PRKG1: variants seen among roughly 807,000 people sequenced by gnomAD.
PRKG1 encodes the protein cGMP-dependent protein kinase 1.
Under a neutral mutation model 88.1 loss-of-function variants are expected in PRKG1, and 35 were observed. The ratio of observed to expected loss-of-function variants is 0.40; its 90% CI spans 0.30 to 0.53. The LOEUF is 0.53. Among genes scored for constraint, PRKG1 ranks in the 20% least tolerant of loss-of-function variants. The probability of loss-of-function intolerance (pLI) is 0.59; values close to 1 mark genes in which losing one functional copy is unlikely to be tolerated. For synonymous variants in PRKG1, 303 were observed against 292.5 expected, an observed-to-expected ratio of 1.04 and a Z score of -0.37; for missense variants, 540 against 839.8, an observed-to-expected ratio of 0.64 and a Z score of 4.41.
intron 3 of PRKG1, among the ~76,000 whole-genome samples, chr10:51,723,885 C>T (rs1018962460): frequency 6.6e-6 from 1 of 152,074 alleles, no homozygotes; most frequent in Non-Finnish European, 1.5e-5. Flanking sequence ...TTGTTATTGT[C>T]TTTATTTGGA....
chr10:51,084,768 G>A (rs1190107631), intron 1 of PRKG1, among the ~76,000 whole-genome samples: 1 of 152,012 alleles, frequency 6.6e-6, no homozygotes, highest in East Asian at 1.9e-4. Flanking sequence ...GTACTTCTTT[G>A]AACATGAGGT....
intron 3 of PRKG1, among the ~76,000 whole-genome samples, chr10:51,742,074 C>CT (rs975442080): frequency 1.3e-5 from 2 of 152,148 alleles, no homozygotes; most frequent in African/African-American, 4.8e-5. Context: ...TTATTGTGAT[C>CT]TTGTGAGATA....
At chr10:51,752,521 GA>G (rs1837752807) in intron 3 of PRKG1, among the ~76,000 whole-genome samples, 1 of 152,192 alleles carries the variant, frequency 6.6e-6, no homozygotes, top group Non-Finnish European at 1.5e-5. Context: ...TTAATGACAA[GA>G]AATGTATAAG....
At chr10:51,972,925 G>A (rs1327003491) in intron 5 of PRKG1, among the ~76,000 whole-genome samples, 1 of 152,028 alleles carries the variant, frequency 6.6e-6, no homozygotes, top group Non-Finnish European at 1.5e-5. Flanking sequence ...GGGTATCACT[G>A]AACACGAAGC....
At position 51,470,868 on chromosome 10, in the gene PRKG1, G is replaced by A. The variant is rs1840031065; in HGVS notation, c.592+3032G>A. 2.0e-5 allele frequency among the ~76,000 whole-genome samples: 3 copies of A among 151,566 alleles called. No homozygotes were observed. In the South Asian group the frequency reaches 6.2e-4, roughly 31 times the overall value. On this transcript the variant is annotated intron_variant, in intron 3 of 17. Transcript: ENST00000373980. ...AAGCAAGCTCTTTGGTTTTCATCTG[G>A]GAAAAAATAAATTGGCATTCTTCTG...
In PRKG1 at chr10:51,886,518, G is replaced by A. The variant is rs77485355; in HGVS notation, c.699-20989G>A. On this transcript the variant is annotated intron_variant, in intron 4 of 17. Transcript: ENST00000373980. ...AGTTTCTTTTCGACCTGCTAATGTT[G>A]GATAAACATTTCAGTCATTGAAGAT... Among the ~76,000 whole-genome samples, 782 of 152,074 alleles carry A rather than the reference G, an allele frequency of 5.1e-3. 10 individuals carry two copies. The highest frequency in any genetic ancestry group is 0.018 in the African/African-American group (751 of 41,462).
chr10:52,024,009 T>A (rs933221397), intron 5 of PRKG1, among the ~76,000 whole-genome samples: 11 of 152,180 alleles, frequency 7.2e-5, no homozygotes, highest in Non-Finnish European at 1.3e-4. Context: ...CTGAATGGTA[T>A]TGCCTAGGTT....
chr10:51,278,435 C>T (rs190575318), intron 2 of PRKG1, among the ~76,000 whole-genome samples: 1 of 152,218 alleles, frequency 6.6e-6, no homozygotes, highest in Non-Finnish European at 1.5e-5. Context: ...TGTGTCTCTG[C>T]TAGGCTTTGG....
chr10:52,066,329 G>A (rs1846353554), intron 7 of PRKG1, among the ~76,000 whole-genome samples: 2 of 151,956 alleles, frequency 1.3e-5, no homozygotes, highest in Admixed American at 1.3e-4. Context: ...ATAAACCTTG[G>A]TAAGCTCCTC....
At chr10:52,005,439 G>A (rs1320802446) in intron 5 of PRKG1, among the ~76,000 whole-genome samples, 1 of 152,038 alleles carries the variant, frequency 6.6e-6, no homozygotes. Flanking sequence ...CTATTGTCCT[G>A]AGAAATACCT....
At chr10:51,839,553 T>C (rs774143407) in intron 4 of PRKG1, among the ~76,000 whole-genome samples, 2 of 152,194 alleles carry the variant, frequency 1.3e-5, no homozygotes, top group Non-Finnish European at 2.9e-5. Flanking sequence ...AAAGACCACT[T>C]ATCTTTTGGG....
chr10:51,333,337 C>T (rs1841788623), intron 2 of PRKG1, among the ~76,000 whole-genome samples: 1 of 152,198 alleles, frequency 6.6e-6, no homozygotes, highest in Admixed American at 6.5e-5. Flanking sequence ...ATGTGCCAGG[C>T]ACTGTTTCAA....
intron 2 of PRKG1, among the ~76,000 whole-genome samples, chr10:51,270,604 A>T (rs142622623): frequency 3.8e-4 from 58 of 152,308 alleles, no homozygotes; most frequent in Non-Finnish European, 5.4e-4. Context: ...ACAAAGATTC[A>T]TGCAAGCAGG....
At chr10:52,034,103 C>T (rs902818621) in intron 5 of PRKG1, among the ~76,000 whole-genome samples, 5 of 152,092 alleles carry the variant, frequency 3.3e-5, no homozygotes, top group South Asian at 4.2e-4. Flanking sequence ...TGGGGCAGGG[C>T]ATATTCACTT....
chr10:52,041,027 C>T (rs539374813), intron 5 of PRKG1, among the ~76,000 whole-genome samples: 3 of 151,582 alleles, frequency 2.0e-5, no homozygotes, highest in South Asian at 2.1e-4. Context: ...TTAGTAGAGA[C>T]GAGGTTTTAC....
At chr10:52,023,083 C>T (rs1448540431) in intron 5 of PRKG1, among the ~76,000 whole-genome samples, 4 of 152,162 alleles carry the variant, frequency 2.6e-5, no homozygotes, top group Non-Finnish European at 5.9e-5. Flanking sequence ...CACACCCCGA[C>T]AGGTCCTGGT....
chr10:51,700,720 T>A (rs1841444003), intron 3 of PRKG1, among the ~76,000 whole-genome samples: 2 of 152,188 alleles, frequency 1.3e-5, no homozygotes, highest in African/African-American at 4.8e-5. Context: ...GCCTTACGTG[T>A]ATTGAATATA....
chr10:51,050,835 A>G (rs917479460), intron 1 of PRKG1, among the ~76,000 whole-genome samples: 4 of 152,126 alleles, frequency 2.6e-5, no homozygotes, highest in Non-Finnish European at 5.9e-5. Flanking sequence ...TTTTTAATAT[A>G]ATAGTCATTC....
At chr10:51,868,729 A>T (rs1841081440) in intron 4 of PRKG1, among the ~76,000 whole-genome samples, 1 of 152,166 alleles carries the variant, frequency 6.6e-6, no homozygotes, top group South Asian at 2.1e-4. Context: ...TCAAACATGT[A>T]CTAGCTACCT....
Sources: allele counts gnomAD v4.1 joint callset (sites outside exome capture counted in the v4.1 genomes callset), GRCh38; gene constraint gnomAD v4.1.1; transcripts MANE v1.5; gene names NCBI Gene and HGNC (gene_info 2026-07-23, HGNC 2026-07-21).